CFAP299: variants seen among roughly 807,000 people sequenced by gnomAD.
CFAP299 encodes cilia and flagella associated protein 299, also known as cilia- and flagella-associated protein 299.
CFAP299 carries 21 observed loss-of-function variants against 27.0 expected under a neutral mutation model. The observed-to-expected ratio is 0.78, with a 90% CI of 0.55 to 1.12. CFAP299 has a LOEUF of 1.12. Among genes scored for constraint, CFAP299 ranks in the 50% most tolerant of loss-of-function variants. CFAP299 has a pLI of 0.00. For synonymous variants in CFAP299, 104 were observed against 98.1 expected, an observed-to-expected ratio of 1.06 and a Z score of -0.36; for missense variants, 310 against 276.6, an observed-to-expected ratio of 1.12 and a Z score of -0.86.
chr4:80,352,118 A>G (rs1723043561), intron 1 of CFAP299, among the ~76,000 whole-genome samples: 1 of 152,178 alleles, frequency 6.6e-6, no homozygotes, highest in African/African-American at 2.4e-5. Context: ...ATTAGCTTAC[A>G]TGCCTCATGC....
chr4:80,858,564 C>T (rs1321463247), intron 3 of CFAP299, among the ~76,000 whole-genome samples: 1 of 152,058 alleles, frequency 6.6e-6, no homozygotes, highest in African/African-American at 2.4e-5. Flanking sequence ...AAATTTCCCT[C>T]TACACACTGC....
At chr4:80,775,231 C>T (rs1452883322) in intron 3 of CFAP299, among the ~76,000 whole-genome samples, 1 of 151,638 alleles carries the variant, frequency 6.6e-6, no homozygotes, top group Non-Finnish European at 1.5e-5. Flanking sequence ...AATTAAATGT[C>T]TAACATAGGG....
chr4:80,544,497 AG>A (rs1388774831), intron 2 of CFAP299, among the ~76,000 whole-genome samples: 1 of 152,216 alleles, frequency 6.6e-6, no homozygotes, highest in Non-Finnish European at 1.5e-5. Flanking sequence ...TGACATCCTT[AG>A]GCTGAAAGTA....
In CFAP299 at chr4:80,891,307, T is replaced by G. The variant is rs564878716; in HGVS notation, c.476+21172T>G. ...TAGCCAGTTTTCCCAGCACCATTTA[T>G]TAAATAGGGAATCCTTTCCCCATTG... On this transcript the variant is annotated intron_variant, in intron 4 of 5. Transcript: ENST00000358105. Among the ~76,000 whole-genome samples the G allele has an allele frequency of 2.3e-3, 346 of 151,546 alleles. 4 individuals carry two copies. The highest frequency in any genetic ancestry group is 2.4e-3 in the Non-Finnish European group (164 of 67,894).
intron 3 of CFAP299, among the ~76,000 whole-genome samples, chr4:80,619,520 A>C (rs1369078708): frequency 1.3e-5 from 2 of 152,122 alleles, no homozygotes; most frequent in Non-Finnish European, 2.9e-5. Context: ...TAAATTTATT[A>C]TATGTTGTGT....
intron 3 of CFAP299, among the ~76,000 whole-genome samples, chr4:80,857,221 A>G (rs1472720490): frequency 6.6e-6 from 1 of 152,202 alleles, no homozygotes; most frequent in Non-Finnish European, 1.5e-5. Flanking sequence ...TTATTGGTAT[A>G]TAAGAATGCT....
chr4:80,390,542 CACACATATATGTATATATGT>C (rs1560543082), intron 2 of CFAP299, among the ~76,000 whole-genome samples: 1 of 56,342 alleles, frequency 1.8e-5, no homozygotes, highest in Non-Finnish European at 6.2e-5. Context: ...TATATGTATA[CACACATATATGTATATATGT>C]ATATATGTAT....
intron 2 of CFAP299, among the ~76,000 whole-genome samples, chr4:80,562,901 TATATC>T (rs1210235508): frequency 2.0e-5 from 3 of 151,888 alleles, no homozygotes; most frequent in Non-Finnish European, 4.4e-5. Context: ...TCACTATACT[TATATC>T]AGACAAAAAA....
At chr4:80,695,032 A>G (rs1034436513) in intron 3 of CFAP299, among the ~76,000 whole-genome samples, 1 of 152,150 alleles carries the variant, frequency 6.6e-6, no homozygotes, top group African/African-American at 2.4e-5. Context: ...ACACTCTGGT[A>G]TTTTGGTATG....
chr4:80,341,207 G>A (rs1345577550), intron 1 of CFAP299, among the ~76,000 whole-genome samples: 1 of 152,206 alleles, frequency 6.6e-6, no homozygotes, highest in Non-Finnish European at 1.5e-5. Context: ...AAGAGCCTCT[G>A]AGGGGAGAAG....
At chr4:80,795,678 A>G (rs535644178) in intron 3 of CFAP299, among the ~76,000 whole-genome samples, 27 of 152,170 alleles carry the variant, frequency 1.8e-4, no homozygotes, top group Admixed American at 1.1e-3. Flanking sequence ...TACCACTTCT[A>G]TTTGATGATG....
At chr4:80,700,760 A>C (rs913463956) in intron 3 of CFAP299, among the ~76,000 whole-genome samples, 2 of 152,086 alleles carry the variant, frequency 1.3e-5, no homozygotes, top group Admixed American at 1.3e-4. Context: ...AGATAAAAGG[A>C]GATTACTTAA....
chr4:80,607,942 T>C (rs1577926595), intron 3 of CFAP299, among the ~76,000 whole-genome samples: 1 of 152,314 alleles, frequency 6.6e-6, no homozygotes, highest in East Asian at 1.9e-4. Flanking sequence ...AGCCTATGTA[T>C]TGTAACAATG....
At chr4:80,947,176 TC>T (rs1457502192) in intron 5 of CFAP299, among the ~76,000 whole-genome samples, 7 of 152,174 alleles carry the variant, frequency 4.6e-5, no homozygotes, top group Admixed American at 2.0e-4. Flanking sequence ...TCTCCTTTTT[TC>T]TGAAAGATTT....
intron 2 of CFAP299, among the ~76,000 whole-genome samples, chr4:80,546,431 ACT>A (rs1734231792): frequency 6.6e-6 from 1 of 152,096 alleles, no homozygotes; most frequent in South Asian, 2.1e-4. Context: ...GGAGGTGAAA[ACT>A]CTCTACAAGC....
At position 80,532,943 on chromosome 4, in the gene CFAP299, T is replaced by C. The variant is rs553214191; in HGVS notation, c.243-50150T>C. Among the ~76,000 whole-genome samples, 63 of 152,294 alleles carry C rather than the reference T, an allele frequency of 4.1e-4. 3 individuals carry two copies. In the South Asian group the frequency reaches 0.011, roughly 26 times the overall value. On this transcript the variant is annotated intron_variant, in intron 2 of 5. Coordinates refer to ENST00000358105, the MANE Select transcript of CFAP299 (RefSeq NM_152770.3). Reference sequence around the variant, plus strand: ...TAAGAACTTTTTCTGACCTTTTTTTTCTCATTACTTTAATGTCACTAGGCC... The same window carrying C: ...TAAGAACTTTTTCTGACCTTTTTTTCCTCATTACTTTAATGTCACTAGGCC...
chr4:80,321,461 G>A, the CFAP299 span, among the ~76,000 whole-genome samples: 3 of 152,220 alleles, frequency 2.0e-5, no homozygotes, highest in South Asian at 2.1e-4. Flanking sequence ...GCTCCAGGCC[G>A]TGGTGGGTGC....
chr4:80,729,719 C>T (rs1723389026), intron 3 of CFAP299, among the ~76,000 whole-genome samples: 1 of 151,418 alleles, frequency 6.6e-6, no homozygotes, highest in Non-Finnish European at 1.5e-5. Flanking sequence ...CCTGCCTCAG[C>T]CTCCCGAGTA....
chr4:80,446,971 A>G (rs1348497011), intron 2 of CFAP299, among the ~76,000 whole-genome samples: 1 of 152,058 alleles, frequency 6.6e-6, no homozygotes, highest in African/African-American at 2.4e-5. Flanking sequence ...TTTTTTTTAC[A>G]TAATCTCAAT....
Sources: gnomAD v4.1 joint callset for allele counts (sites outside exome capture counted in the v4.1 genomes callset) on GRCh38, gnomAD v4.1.1 for gene constraint, MANE v1.5 for transcripts, NCBI Gene and HGNC (gene_info 2026-07-23, HGNC 2026-07-21) for gene names.